GLI3: variants seen among roughly 807,000 people sequenced by gnomAD.
The protein encoded by GLI3 is transcription activator GLI3.
Under a neutral mutation model 100.8 loss-of-function variants are expected in GLI3, and 20 were observed. That is an observed-to-expected ratio of 0.20 (90% CI 0.14 to 0.29). GLI3 has a LOEUF of 0.29. Ranked by LOEUF, GLI3 falls within the 10% of genes least tolerant of loss-of-function variation. The probability of loss-of-function intolerance (pLI) is 1.00; values close to 1 mark genes in which losing one functional copy is unlikely to be tolerated. For synonymous variants in GLI3, 938 were observed against 860.5 expected (o/e 1.09, Z -1.58); for missense variants, 2,040 against 2,128.5 (o/e 0.96, Z 0.82).
intron 10 of GLI3, among the ~76,000 whole-genome samples, chr7:42,019,980 G>T (rs1258545654): frequency 6.6e-6 from 1 of 152,002 alleles, no homozygotes; most frequent in African/African-American, 2.4e-5. Context: ...GAGTAACTAA[G>T]CCCAGTTGTA....
intron 2 of GLI3, among the ~76,000 whole-genome samples, chr7:42,197,706 C>A (rs1787955831): frequency 6.6e-6 from 1 of 152,206 alleles, no homozygotes; most frequent in African/African-American, 2.4e-5. Context: ...TACTCACAGG[C>A]CTAAAAGCAG....
chr7:42,065,249 T>G (rs1430051532), intron 4 of GLI3, among the ~76,000 whole-genome samples: 1 of 150,256 alleles, frequency 6.7e-6, no homozygotes, highest in African/African-American at 2.4e-5. Context: ...TACTTTTAAA[T>G]TATTATTAAA....
chr7:42,210,112 T>C (rs17172024), intron 2 of GLI3, among the ~76,000 whole-genome samples: 1,882 of 151,778 alleles, frequency 0.012, 85 homozygotes, highest in East Asian at 0.12. Flanking sequence ...GGTTTTGGGA[T>C]TGCTGGTGAA....
chr7:42,014,669 C>A (rs1788706341), intron 10 of GLI3, among the ~76,000 whole-genome samples: 1 of 152,126 alleles, frequency 6.6e-6, no homozygotes, highest in African/African-American at 2.4e-5. Flanking sequence ...CTCATTTTCC[C>A]ACTGTCCTGC....
At chr7:42,039,152 G>A (rs1176674082) in intron 7 of GLI3, among the ~76,000 whole-genome samples, 3 of 152,146 alleles carry the variant, frequency 2.0e-5, no homozygotes, top group African/African-American at 4.8e-5. Flanking sequence ...ATTAATTAGA[G>A]TACTATCTAA....
At chr7:42,179,074 A>C (rs970158664) in intron 2 of GLI3, among the ~76,000 whole-genome samples, 1 of 151,924 alleles carries the variant, frequency 6.6e-6, no homozygotes, top group Non-Finnish European at 1.5e-5. Flanking sequence ...TGTGGGAGGG[A>C]CCTGGTGAGA....
At chr7:42,123,772 T>TA (rs150127767) in intron 3 of GLI3, among the ~76,000 whole-genome samples, 3,691 of 152,318 alleles carry the variant, frequency 0.024, 149 homozygotes, top group African/African-American at 0.084. Context: ...TGTAAGTGCT[T>TA]ACCAACTGGG....
intron 10 of GLI3, among the ~76,000 whole-genome samples, chr7:41,998,630 T>C (rs1386665962): frequency 2.0e-5 from 3 of 152,198 alleles, no homozygotes; most frequent in African/African-American, 4.8e-5. Flanking sequence ...AACATTTCAA[T>C]AGAGTGCTTG....
At chr7:42,211,341 T>C (rs1788270667) in intron 2 of GLI3, among the ~76,000 whole-genome samples, 1 of 152,224 alleles carries the variant, frequency 6.6e-6, no homozygotes, top group African/African-American at 2.4e-5. Flanking sequence ...ATTGTTAGCC[T>C]ACACAGGAAC....
chr7:42,160,606 A>AGATTTGGAAGCATTTGGGT (rs1787110566), intron 2 of GLI3, among the ~76,000 whole-genome samples: 1 of 152,184 alleles, frequency 6.6e-6, no homozygotes, highest in Non-Finnish European at 1.5e-5. Context: ...AGCATTTGGG[A>AGATTTGGAAGCATTTGGGT]TTCCAGATTT....
intron 4 of GLI3, among the ~76,000 whole-genome samples, chr7:42,063,715 CTA>C (rs1784618189): frequency 6.6e-6 from 1 of 152,234 alleles, no homozygotes; most frequent in Non-Finnish European, 1.5e-5. Flanking sequence ...CGTCAAATAC[CTA>C]TGCTGTGACA....
At chr7:42,097,498 C>T (rs1250622754) in intron 3 of GLI3, among the ~76,000 whole-genome samples, 1 of 152,152 alleles carries the variant, frequency 6.6e-6, no homozygotes, top group African/African-American at 2.4e-5. Context: ...TGGGGCCTAC[C>T]CCGGGAGCCC....
chr7:42,100,264 A>G (rs1785430944), intron 3 of GLI3, among the ~76,000 whole-genome samples: 1 of 152,226 alleles, frequency 6.6e-6, no homozygotes, highest in Non-Finnish European at 1.5e-5. Flanking sequence ...TGGAAGGAGG[A>G]AGCCACAGCT....
In GLI3 at chr7:41,961,930, A is replaced by G. The variant is rs1562654953; in HGVS notation, c.*2400T>C. The stretch of plus-strand genomic sequence containing the variant: ...AGCCAAACATTGAGCTGAAACTTGC[A>G]TCTCCTGCAAATCTAAAAGCAGTAG... On this transcript the variant is annotated 3_prime_UTR_variant, in exon 15 of 15. Coordinates refer to ENST00000395925, the MANE Select transcript of GLI3 (RefSeq NM_000168.6). 6.6e-6 allele frequency: 1 copy of G among 152,198 alleles called. No individual in the cohort carries two copies. Among genetic ancestry groups the G allele is most frequent in the East Asian group, 1.9e-4 (1 of 5,200 alleles). 9.4% of individuals were successfully genotyped at this position (152,198 alleles called of 1,614,324 possible). A position where few individuals can be genotyped will look rare whatever the true frequency, so the allele number is the denominator to read the frequency against.
chr7:42,009,038 G>GAGCCC lies in GLI3; in HGVS notation c.1497+14425_1497+14429dup, dbSNP rs1175024304. On this transcript the variant is annotated intron_variant, in intron 10 of 14. Transcript: ENST00000395925. ...AAATTGTTATGCAGACCAGGGCTGG[G>GAGCCC]AGCCCAGCCCAGCAGCACGATTCTA... 2.0e-5 allele frequency among the ~76,000 whole-genome samples: 3 copies of GAGCCC among 152,192 alleles called. No individual in the cohort carries two copies. The East Asian group carries it at 5.8e-4, about 29-fold the overall frequency.
intron 3 of GLI3, among the ~76,000 whole-genome samples, chr7:42,144,016 A>G (rs1786637701): frequency 6.6e-6 from 1 of 152,152 alleles, no homozygotes; most frequent in South Asian, 2.1e-4. Flanking sequence ...TAAAAACTAG[A>G]CTCTTGACAG....
intron 10 of GLI3, among the ~76,000 whole-genome samples, chr7:41,985,893 A>G (rs1787807880): frequency 6.6e-6 from 1 of 152,234 alleles, no homozygotes; most frequent in African/African-American, 2.4e-5. Context: ...AAATAAAATA[A>G]TTTAAATTGT....
At chr7:42,095,364 G>C (rs757496846) in intron 3 of GLI3, among the ~76,000 whole-genome samples, 15 of 152,202 alleles carry the variant, frequency 9.9e-5, no homozygotes, top group Non-Finnish European at 1.9e-4. Context: ...CACCATGCAA[G>C]AGAGCACGGA....
chr7:42,018,731 T>A (rs1378968631), intron 10 of GLI3, among the ~76,000 whole-genome samples: 1 of 152,154 alleles, frequency 6.6e-6, no homozygotes, highest in African/African-American at 2.4e-5. Context: ...CTTTTAGAGA[T>A]CAAAATTCGC....
Sources: gnomAD v4.1 joint callset for allele counts (sites outside exome capture counted in the v4.1 genomes callset) on GRCh38, gnomAD v4.1.1 for gene constraint, MANE v1.5 for transcripts, NCBI Gene and HGNC (gene_info 2026-07-23, HGNC 2026-07-21) for gene names.